Variants in ELF2 observed in about 807,000 individuals in gnomAD.
ELF2 encodes the protein E74 like ETS transcription factor 2, also known as ETS-related transcription factor Elf-2.
Under a neutral mutation model 54.8 loss-of-function variants are expected in ELF2, and 11 were observed. The observed-to-expected ratio is 0.20, with a 90% CI of 0.13 to 0.33. The LOEUF is 0.33. ELF2 is among the 10% of genes least tolerant of loss of function. ELF2 has a pLI of 1.00. For missense variants in ELF2, 513 were observed against 703.0 expected, an observed-to-expected ratio of 0.73 and a Z score of 3.06; for synonymous variants, 203 against 245.1, an observed-to-expected ratio of 0.83 and a Z score of 1.61.
At chr4:139,172,209 G>T (rs752169584) in intron 1 of ELF2, among the ~76,000 whole-genome samples, 1 of 152,148 alleles carries the variant, frequency 6.6e-6, no homozygotes, top group Non-Finnish European at 1.5e-5. Flanking sequence ...GGAAATAATC[G>T]AAACACCTAT....
chr4:139,138,852 G>A (rs1738435378), intron 2 of ELF2, among the ~76,000 whole-genome samples: 1 of 151,982 alleles, frequency 6.6e-6, no homozygotes, highest in Admixed American at 6.6e-5. Context: ...TTCCTCAATT[G>A]TTTTGATATT....
At position 139,112,003 on chromosome 4, in the gene ELF2, G is replaced by GT. The variant is rs371817501; in HGVS notation, c.238+13160dup. On this transcript the variant is annotated intron_variant, in intron 4 of 9. Transcript: ENST00000686138. ...TACTATTTTGAAAAAAACTAAATTT[G>GT]TATTTTTCAAAACTGCTCAAAACTT... 2.6e-5 allele frequency among the ~76,000 whole-genome samples: 4 copies of GT among 152,120 alleles called. No homozygotes were observed. The East Asian group carries it at 7.7e-4, about 29-fold the overall frequency.
intron 4 of ELF2, among the ~76,000 whole-genome samples, chr4:139,083,879 T>G (rs1482954896): frequency 6.6e-6 from 1 of 152,198 alleles, no homozygotes; most frequent in Non-Finnish European, 1.5e-5. Context: ...GCCCGGCAGC[T>G]GCTGCTGCTG....
At chr4:139,092,366 TCATAACGTAACATAA>T (rs1732695599) in intron 4 of ELF2, among the ~76,000 whole-genome samples, 12 of 49,090 alleles carry the variant, frequency 2.4e-4, no homozygotes, top group South Asian at 1.5e-3. Flanking sequence ...ATCTCAGAAA[TCATAACGTAACATAA>T]CATAACATAA....
chr4:139,084,430 A>C, intron 4 of ELF2: 2 of 1,181,082 alleles, frequency 1.7e-6, no homozygotes, highest in Non-Finnish European at 2.1e-6. Context: ...CAGGGGCGGC[A>C]GGGGCAGGGG....
chr4:139,060,900 C>A (rs1727742972), intron 8 of ELF2, among the ~76,000 whole-genome samples: 1 of 152,158 alleles, frequency 6.6e-6, no homozygotes, highest in African/African-American at 2.4e-5. Context: ...AACTTAAGGT[C>A]TATAAACTGG....
chr4:139,059,722 T>C, intron 9 of ELF2, 115 bp from the exon 10 acceptor site: 2 of 1,245,036 alleles, frequency 1.6e-6, no homozygotes, highest in South Asian at 1.5e-5. Flanking sequence ...CTCCCAAATT[T>C]TACAGAGGTA....
At chr4:139,127,016 T>C (rs995970878) in intron 3 of ELF2, among the ~76,000 whole-genome samples, 10 of 152,304 alleles carry the variant, frequency 6.6e-5, no homozygotes, top group African/African-American at 2.4e-4. Context: ...TGAGATAGCA[T>C]GATGAACTGT....
chr4:139,059,125 T>A lies in ELF2; in HGVS notation c.1640A>T (p.Asp547Val), dbSNP rs200587877. The change falls in exon 10 of 10, where the codon GAT (aspartate) becomes GTT (valine). Residue 547 changes from aspartate to valine, a missense_variant. Coordinates refer to ENST00000686138, the MANE Select transcript of ELF2 (RefSeq NM_001331036.3). Reference protein sequence around the residue: ...SEAVAKKQEHDVKTLQLVEEK... With the variant: ...SEAVAKKQEHVVKTLQLVEEK... ...TTCTACTAGCTGCAAAGTTTTCACA[T>A]CATGTTCTTGCTTTTTTGCCACTGC... 1.1e-5 allele frequency: 17 copies of A among 1,614,010 alleles called. No individual in the cohort carries two copies. In the Admixed American group the frequency reaches 2.3e-4, roughly 22 times the overall value.
chr4:139,162,123 C>T (rs1302399937), intron 1 of ELF2, among the ~76,000 whole-genome samples: 1 of 152,102 alleles, frequency 6.6e-6, no homozygotes, highest in Non-Finnish European at 1.5e-5. Flanking sequence ...CATGGTGGAG[C>T]ATGCCTGGAA....
chr4:139,127,310 T>C (rs1737021091), intron 3 of ELF2, among the ~76,000 whole-genome samples: 1 of 152,168 alleles, frequency 6.6e-6, no homozygotes, highest in South Asian at 2.1e-4. Flanking sequence ...GCCCATACCA[T>C]ACTGTAGCAC....
At chr4:139,073,093 T>C (rs1729750340) in intron 5 of ELF2, among the ~76,000 whole-genome samples, 2 of 152,158 alleles carry the variant, frequency 1.3e-5, no homozygotes, top group African/African-American at 4.8e-5. Context: ...CTATTTATCA[T>C]TGAATAAAGG....
At chr4:139,151,069 AAAG>A in intron 1 of ELF2, among the ~76,000 whole-genome samples, 1 of 143,878 alleles carries the variant, frequency 7.0e-6, no homozygotes, top group South Asian at 2.1e-4. Flanking sequence ...AGAAAGAAAG[AAAG>A]AAAGAAAGAA....
chr4:139,073,348 T>G, intron 5 of ELF2, 106 bp downstream of exon 5: 2 of 635,030 alleles, frequency 3.1e-6, no homozygotes, highest in Non-Finnish European at 5.0e-6. Flanking sequence ...GTAATGTACC[T>G]TTGAGAATTC....
At chr4:139,112,783 G>C (rs192674542) in intron 4 of ELF2, among the ~76,000 whole-genome samples, 1 of 151,972 alleles carries the variant, frequency 6.6e-6, no homozygotes, top group East Asian at 1.9e-4. Context: ...AAGTTAACTA[G>C]TGTTTCTTTA....
intron 3 of ELF2, among the ~76,000 whole-genome samples, chr4:139,130,517 C>CTT (rs1578878501): frequency 1.3e-5 from 2 of 152,308 alleles, no homozygotes. Context: ...CTACTGAAGG[C>CTT]TTTTCATCAA....
chr4:139,104,033 T>C (rs1734168146), intron 4 of ELF2, among the ~76,000 whole-genome samples: 1 of 152,216 alleles, frequency 6.6e-6, no homozygotes, highest in Admixed American at 6.5e-5. Context: ...TTGGCATATT[T>C]ACAAAGTGAA....
chr4:139,137,889 A>G (rs1355169643), intron 2 of ELF2, 22 bp from the exon 3 acceptor site: 19 of 1,296,408 alleles, frequency 1.5e-5, no homozygotes, highest in Non-Finnish European at 1.8e-5. Flanking sequence ...AAGAATTTGA[A>G]AAGTTATTTT....
chr4:139,169,844 G>A lies in ELF2; in HGVS notation c.-252+7123C>T, dbSNP rs149886489. Among the ~76,000 whole-genome samples, 421 of 142,664 alleles carry A rather than the reference G, an allele frequency of 3.0e-3. 4 individuals are homozygous for A. The highest frequency in any genetic ancestry group is 2.2e-3 in the East Asian group (11 of 4,996). The allele number at this position is 142,664 out of a possible 152,430, so 93.6% of individuals were successfully genotyped here. A position where few individuals can be genotyped will look rare whatever the true frequency, so the allele number is the denominator to read the frequency against. On this transcript the variant is annotated intron_variant, in intron 1 of 9. Transcript: ENST00000686138. ...TGCACTCCAGCCTGCGCGACAGAGC[G>A]AGACTCTTGTCTTAAAAAAAAAAAA... is the stretch of plus-strand genomic sequence containing the variant.
Sources: allele counts gnomAD v4.1 joint callset (sites outside exome capture counted in the v4.1 genomes callset), GRCh38; gene constraint gnomAD v4.1.1; transcripts MANE v1.5; gene names NCBI Gene and HGNC (gene_info 2026-07-23, HGNC 2026-07-21).